AIFM3: variants seen among roughly 807,000 people sequenced by gnomAD.
AIFM3 encodes apoptosis-inducing factor 3.
AIFM3 carries 71 observed loss-of-function variants against 82.7 expected under a neutral mutation model. That is an observed-to-expected ratio of 0.86 (90% CI 0.71 to 1.05). The LOEUF (loss-of-function observed/expected upper bound fraction) is 1.05, where lower values mean the gene tolerates loss of function less well. Ranked by LOEUF, AIFM3 falls within the 50% of genes least tolerant of loss-of-function variation. The pLI is 0.00. For missense variants in AIFM3, 748 were observed against 816.7 expected (o/e 0.92, Z 1.03); for synonymous variants, 337 against 329.1 (o/e 1.02, Z -0.26).
rs1395725106 is a variant in AIFM3, at chr22:20,974,512, C to T, written c.511-13C>T. ...AGGATGGCAGTGACCCTCCACCCTCCTGGCACCCACAGGCCCTACAGCTGC... is the reference window on the plus strand; with the variant it reads ...AGGATGGCAGTGACCCTCCACCCTCTTGGCACCCACAGGCCCTACAGCTGC... On this transcript the variant is annotated splice_polypyrimidine_tract_variant and intron_variant, in intron 6 of 20. Transcript: ENST00000440238. 1 of 1,607,572 alleles carries T rather than the reference C, an allele frequency of 6.2e-7. No individual in the cohort carries two copies. Among genetic ancestry groups the T allele is most frequent in the East Asian group, 2.2e-5 (1 of 44,630 alleles).
At chr22:20,972,217 C>T (rs1331781367) in intron 2 of AIFM3, among the ~76,000 whole-genome samples, 1 of 151,996 alleles carries the variant, frequency 6.6e-6, no homozygotes, top group Non-Finnish European at 1.5e-5. Context: ...CCAGCCTGAC[C>T]AACATGGAGC....
chr22:20,973,913 T>G (rs1923444795), intron 4 of AIFM3, 46 bp downstream of exon 4: 48 of 1,483,166 alleles, frequency 3.2e-5, no homozygotes, highest in Non-Finnish European at 4.2e-5. Context: ...CCAGGCCCCA[T>G]GCCAGCTTGG....
rs200349313 is a variant in AIFM3, at chr22:20,973,728, G to T, written c.246-30G>T. ...GCCAGGAGGTTGTGCCTGGTGTCTG[G>T]CCTGACCTCTGAGTGCTGCGGTTCC... On this transcript the variant is annotated intron_variant, in intron 3 of 20. Transcript: ENST00000440238. 66 of 1,515,254 alleles carry T rather than the reference G, an allele frequency of 4.4e-5. No individual in the cohort carries two copies. The Admixed American group carries it at 1.3e-3, about 30-fold the overall frequency. The allele number at this position is 1,515,254 out of a possible 1,614,324, so 93.9% of individuals were successfully genotyped here. A position where few individuals can be genotyped will look rare whatever the true frequency, so the allele number is the denominator to read the frequency against.
At chr22:20,980,238 T>C (rs1171740248) in intron 19 of AIFM3, 114 bp downstream of exon 19, 8 of 915,812 alleles carry the variant, frequency 8.7e-6, no homozygotes, top group Non-Finnish European at 1.3e-5. Flanking sequence ...CCCTCTTGGT[T>C]TGCATCGCCT....
intron 2 of AIFM3, 68 bp downstream of exon 2, chr22:20,968,043 C>G (rs922679770): frequency 1.0e-5 from 15 of 1,489,244 alleles, no homozygotes; most frequent in Middle Eastern, 1.7e-4. Flanking sequence ...CGTCTCCCCC[C>G]CCTCCCCCTC....
upstream of AIFM3, chr22:20,965,611 A>C (rs1360092302): frequency 2.0e-5 from 3 of 152,718 alleles, no homozygotes; most frequent in African/African-American, 7.2e-5. Context: ...GAGAGCGCGG[A>C]GCCCCCACAC....
upstream of AIFM3, among the ~76,000 whole-genome samples, chr22:20,965,883 C>G (rs1922854688): frequency 6.6e-6 from 1 of 152,140 alleles, no homozygotes; most frequent in African/African-American, 2.4e-5. Context: ...GACACAGACT[C>G]CTGCTGGGTG....
chr22:20,974,758 G>T lies in AIFM3; in HGVS notation c.662G>T (p.Arg221Leu), dbSNP rs760759626. The T allele has an allele frequency of 6.2e-7, 1 of 1,613,674 alleles. No homozygotes were observed. Among genetic ancestry groups the T allele is most frequent in the Non-Finnish European group, 8.5e-7 (1 of 1,179,962 alleles). The change falls in exon 8 of 21, where the codon CGG becomes CTG. Residue 221 changes from arginine (R) to leucine (L), a missense_variant. Physicochemically the swap from Arg to Leu is moderately radical, Grantham distance 102. Transcript: ENST00000440238. ...CTGCGGCAGGAGGGCTTCTCCGACC[G>T]GATCGTCCTGTGCACGCTAGACCGG... is the stretch of plus-strand genomic sequence containing the variant. ...ETLRQEGFSD[R>L]IVLCTLDRHL...
Position 20,976,427 on chromosome 22 carries a change from A to C in AIFM3, c.919A>C (p.Lys307Gln), listed in dbSNP as rs1205267178. Reference protein sequence around the residue: ...PGSSPKTLSCKGKEVENVFTI... With the variant: ...PGSSPKTLSCQGKEVENVFTI... Reference sequence around the variant, plus strand: ...TCTCAGCCCCAAGACTCTGAGCTGCAAAGGCAAAGAAGTGGAGAACGTGTT... The same window carrying C: ...TCTCAGCCCCAAGACTCTGAGCTGCCAAGGCAAAGAAGTGGAGAACGTGTT... The change falls in exon 11 of 21, where the codon AAA (lysine) becomes CAA (glutamine). Residue 307 changes from lysine to glutamine, a missense_variant. This residue lies in a region of AIFM3 where 393 missense variants were observed against 481.1 expected (regional missense o/e 0.82). Transcript: ENST00000440238. 3.1e-6 allele frequency: 5 copies of C among 1,613,924 alleles called. No individual in the cohort carries two copies. In the African/African-American group the frequency reaches 6.7e-5, roughly 22 times the overall value.
chr22:20,968,251 G>A (rs887905086), intron 2 of AIFM3, among the ~76,000 whole-genome samples: 6 of 152,314 alleles, frequency 3.9e-5, no homozygotes, highest in African/African-American at 1.4e-4. Flanking sequence ...GAAAAGGAAA[G>A]TCAGGGTTCC....
At chr22:20,975,342 G>A (rs561730164) in intron 8 of AIFM3, among the ~76,000 whole-genome samples, 6 of 151,208 alleles carry the variant, frequency 4.0e-5, no homozygotes, top group African/African-American at 1.2e-4. Context: ...TCACTGCAGC[G>A]TCGACCTCCA....
rs373794239 is a variant in AIFM3 at position 20,977,353 on chromosome 22, T to A, written c.1282+258T>A. On this transcript the variant is annotated intron_variant, in intron 14 of 20. Coordinates refer to ENST00000440238, the MANE Select transcript of AIFM3 (RefSeq NM_001386814.1). ...TCTCCATGCCCTGCGAGAGTTGACA[T>A]AGACGAGACTCGAACTGGCTTCTGC... The A allele has an allele frequency of 1.3e-5, 8 of 608,430 alleles. No homozygotes were observed. The South Asian group carries it at 1.6e-4, about 12-fold the overall frequency. 37.7% of individuals were successfully genotyped at this position (608,430 alleles called of 1,614,324 possible).
chr22:20,972,662 A>G (rs1243263128), intron 2 of AIFM3, among the ~76,000 whole-genome samples: 1 of 152,176 alleles, frequency 6.6e-6, no homozygotes, highest in African/African-American at 2.4e-5. Context: ...GTAGGGCCTC[A>G]GGGTTCTTTC....
rs1411442869 is a variant in AIFM3 at position 20,976,452 on chromosome 22, T to G, written c.944T>G (p.Phe315Cys). 1 of 1,613,924 alleles carries G rather than the reference T, an allele frequency of 6.2e-7. No individual in the cohort carries two copies. Among genetic ancestry groups the G allele is most frequent in the African/African-American group, 1.3e-5 (1 of 74,920 alleles). Reference protein sequence around the residue: ...SCKGKEVENVFTIRTPEDANR... With the variant: ...SCKGKEVENVCTIRTPEDANR... ...AAAGGCAAAGAAGTGGAGAACGTGT[T>G]CACTATCCGGACGCCAGAGGATGCC... The change falls in exon 11 of 21, where the codon TTC becomes TGC. Residue 315 changes from phenylalanine (F) to cysteine (C), a missense_variant. Coordinates refer to ENST00000440238, the MANE Select transcript of AIFM3 (RefSeq NM_001386814.1).
At chr22:20,975,890 A>G (rs178267) in intron 9 of AIFM3, 112 bp downstream of exon 9, 225,442 of 1,244,274 alleles carry the variant, frequency 0.18, 27,723 homozygotes, top group East Asian at 0.55. Flanking sequence ...CCCACAGCCC[A>G]GGCACCTGGG....
chr22:20,973,262 G>A, intron 2 of AIFM3, 45 bp from the exon 3 acceptor site: 1 of 1,547,252 alleles, frequency 6.5e-7, no homozygotes, highest in Non-Finnish European at 8.7e-7. Flanking sequence ...GATGGGGGAG[G>A]AAGTTGGCTG....
rs1055079152 is a variant in AIFM3, at chr22:20,967,928, T to A, written c.-17T>A. The stretch of plus-strand genomic sequence containing the variant: ...CATCTGTGCTCCTGCCTGCCGGCCA[T>A]CCTCAGGCCACTCGCCATGGGCGGC... On this transcript the variant is annotated 5_prime_UTR_variant, in exon 2 of 21. Transcript: ENST00000440238. The A allele has an allele frequency of 6.2e-7, 1 of 1,614,080 alleles. No homozygotes were observed.
Position 20,981,157 on chromosome 22 carries a change from C to T in AIFM3, c.*126C>T. On this transcript the variant is annotated 3_prime_UTR_variant, in exon 21 of 21. Transcript: ENST00000440238. ...AGAACCTGAGCCCTCCCAGTGCTTG[C>T]CTTCAGCCACCTGGCTCCCCTCCTG... 2 of 1,322,252 alleles carry T rather than the reference C, an allele frequency of 1.5e-6. No homozygotes were observed. The highest frequency in any genetic ancestry group is 1.1e-6 in the Non-Finnish European group (1 of 951,978). 81.9% of individuals were successfully genotyped at this position (1,322,252 alleles called of 1,614,324 possible). A position where few individuals can be genotyped will look rare whatever the true frequency, so the allele number is the denominator to read the frequency against.
chr22:20,978,020 G>C lies in AIFM3; in HGVS notation c.1477+15G>C. ...TCATGCTCAGGGTATGGCCAGTCCC[G>C]AGGCACATGGAGGGGTGGGAGGGAG... is the stretch of plus-strand genomic sequence containing the variant. On this transcript the variant is annotated intron_variant, in intron 16 of 20. Coordinates refer to ENST00000440238, the MANE Select transcript of AIFM3 (RefSeq NM_001386814.1). 5 of 1,611,790 alleles carry C rather than the reference G, an allele frequency of 3.1e-6. No individual in the cohort carries two copies. Among genetic ancestry groups the C allele is most frequent in the Non-Finnish European group, 4.2e-6 (5 of 1,177,970 alleles).
Sources: allele counts gnomAD v4.1 joint callset (sites outside exome capture counted in the v4.1 genomes callset), GRCh38; gene constraint gnomAD v4.1.1; regional missense constraint gnomAD v4.1.1; transcripts MANE v1.5; gene names NCBI Gene and HGNC (gene_info 2026-07-23, HGNC 2026-07-21).